Variants in KIAA0825 observed in about 807,000 individuals in gnomAD.
KIAA0825 encodes the protein uncharacterized protein KIAA0825.
Under a neutral mutation model 147.6 loss-of-function variants are expected in KIAA0825, and 119 were observed. That is an observed-to-expected ratio of 0.81 (90% CI 0.69 to 0.94). The LOEUF (loss-of-function observed/expected upper bound fraction) is 0.94, where lower values mean the gene tolerates loss of function less well. KIAA0825 is among the 40% of genes least tolerant of loss of function. KIAA0825 has a pLI of 0.00. For missense variants in KIAA0825, 1,381 were observed against 1,472.7 expected, an observed-to-expected ratio of 0.94 and a Z score of 1.02; for synonymous variants, 470 against 518.1, an observed-to-expected ratio of 0.91 and a Z score of 1.26.
chr5:94,351,058 T>G (rs1783611495), intron 20 of KIAA0825, among the ~76,000 whole-genome samples: 1 of 151,974 alleles, frequency 6.6e-6, no homozygotes, highest in Non-Finnish European at 1.5e-5. Context: ...GTACTGGAAG[T>G]CCTAGCCAGA....
At chr5:94,532,931 C>T (rs961586969) in intron 3 of KIAA0825, among the ~76,000 whole-genome samples, 2 of 149,860 alleles carry the variant, frequency 1.3e-5, no homozygotes, top group Non-Finnish European at 3.0e-5. Flanking sequence ...TTTTAAGATA[C>T]AATTATATTT....
At chr5:94,544,944 ACC>A (rs1268120267) in intron 2 of KIAA0825, among the ~76,000 whole-genome samples, 2 of 152,146 alleles carry the variant, frequency 1.3e-5, no homozygotes, top group Non-Finnish European at 2.9e-5. Flanking sequence ...TGAAAGAGAC[ACC>A]GAGAGGATAG....
chr5:94,516,757 T>C (rs990318493), intron 5 of KIAA0825, among the ~76,000 whole-genome samples: 2 of 127,058 alleles, frequency 1.6e-5, no homozygotes, highest in South Asian at 2.4e-4. Flanking sequence ...GCCACAGCAC[T>C]CCCGCCTGGG....
In KIAA0825 at chr5:94,323,767, G is replaced by T. The variant is rs1780427105; in HGVS notation, c.3710+60601C>A. 2.0e-5 allele frequency among the ~76,000 whole-genome samples: 3 copies of T among 151,936 alleles called. No individual in the cohort carries two copies. In the South Asian group the frequency reaches 6.2e-4, roughly 32 times the overall value. ...ATTTAGAAAGAAAATAAGATATTTT[G>T]TTGGAGGGAAAGATGGAGATTAGGG... is the stretch of plus-strand genomic sequence containing the variant. On this transcript the variant is annotated intron_variant, in intron 20 of 20. Coordinates refer to ENST00000682413, the MANE Select transcript of KIAA0825 (RefSeq NM_001145678.3).
rs113887677 is a variant in KIAA0825, at chr5:94,530,165, G to T, written c.132-6067C>A. 7.5e-3 allele frequency among the ~76,000 whole-genome samples: 1,129 copies of T among 150,924 alleles called. 16 individuals are homozygous for T. The highest frequency in any genetic ancestry group is 0.026 in the African/African-American group (1,055 of 41,120). On this transcript the variant is annotated intron_variant, in intron 3 of 20. Coordinates refer to ENST00000682413, the MANE Select transcript of KIAA0825 (RefSeq NM_001145678.3). ...ACATACCTGTAATCCCAGCTACTTG[G>T]GAGGCTGGGGCAGAAGAATCGCTTT...
At chr5:94,609,352 A>T (rs1788253923) in intron 1 of KIAA0825, among the ~76,000 whole-genome samples, 1 of 152,204 alleles carries the variant, frequency 6.6e-6, no homozygotes, top group Non-Finnish European at 1.5e-5. Flanking sequence ...TTTGTTTTGA[A>T]AAATATAGCT....
chr5:94,392,408 G>T (rs1750015575), intron 17 of KIAA0825, among the ~76,000 whole-genome samples: 1 of 152,140 alleles, frequency 6.6e-6, no homozygotes, highest in Non-Finnish European at 1.5e-5. Context: ...CTTTTAGAAT[G>T]ATCTATATAC....
At chr5:94,384,267 C>T in intron 20 of KIAA0825, 101 bp downstream of exon 20, 1 of 808,126 alleles carries the variant, frequency 1.2e-6, no homozygotes, top group Non-Finnish European at 1.9e-6. Context: ...TCACTTTTCC[C>T]AAAAGTATGC....
Position 94,594,456 on chromosome 5 carries a change from T to C in KIAA0825, c.-152-11873A>G, listed in dbSNP as rs190941870. 1,631 of 740,286 alleles carry C rather than the reference T, an allele frequency of 2.2e-3. 2 individuals carry two copies. Among genetic ancestry groups the C allele is most frequent in the Non-Finnish European group, 2.9e-3 (1,156 of 394,478 alleles). The allele number at this position is 740,286 out of a possible 1,614,324, so 45.9% of individuals were successfully genotyped here. On this transcript the variant is annotated intron_variant, in intron 1 of 20. Coordinates refer to ENST00000682413, the MANE Select transcript of KIAA0825 (RefSeq NM_001145678.3). Reference sequence around the variant, plus strand: ...CCATACAGTAGATTTTGAGTGTATCTTGGAAGAAAGAAAAAAATCTCTTCT... The same window carrying C: ...CCATACAGTAGATTTTGAGTGTATCCTGGAAGAAAGAAAAAAATCTCTTCT...
intron 15 of KIAA0825, among the ~76,000 whole-genome samples, chr5:94,405,720 CAGTA>C (rs1335792976): frequency 1.3e-5 from 2 of 152,092 alleles, no homozygotes; most frequent in Non-Finnish European, 2.9e-5. Flanking sequence ...ATAGAACAGA[CAGTA>C]AGTAGTACGG....
intron 20 of KIAA0825, among the ~76,000 whole-genome samples, chr5:94,276,903 C>A (rs1382020427): frequency 6.6e-6 from 1 of 152,058 alleles, no homozygotes; most frequent in East Asian, 1.9e-4. Flanking sequence ...TTTTCCTAAG[C>A]ACACTTTTGG....
chr5:94,252,422 T>G (rs538211248), intron 20 of KIAA0825, among the ~76,000 whole-genome samples: 4 of 151,958 alleles, frequency 2.6e-5, no homozygotes, highest in Admixed American at 2.6e-4. Context: ...TTCTCATAAA[T>G]ATATATACAT....
intron 8 of KIAA0825, 48 bp from the exon 9 acceptor site, chr5:94,471,779 C>G (rs1162157402): frequency 3.3e-6 from 5 of 1,529,274 alleles, no homozygotes; most frequent in Non-Finnish European, 4.4e-6. Flanking sequence ...TCTGACAGCA[C>G]CAAGTAATTT....
At chr5:94,409,380 A>T (rs1366125887) in intron 15 of KIAA0825, among the ~76,000 whole-genome samples, 8 of 152,222 alleles carry the variant, frequency 5.3e-5, no homozygotes, top group African/African-American at 1.9e-4. Flanking sequence ...AAAGAAAACA[A>T]ATTAAAGTCT....
At chr5:94,521,053 T>G (rs1290931089) in intron 4 of KIAA0825, 136 bp from the exon 5 acceptor site, 21 of 800,032 alleles carry the variant, frequency 2.6e-5, no homozygotes, top group Non-Finnish European at 3.8e-5. Context: ...TTTTTGCATT[T>G]GAAATTTAAT....
intron 20 of KIAA0825, among the ~76,000 whole-genome samples, chr5:94,264,212 C>T (rs1776634845): frequency 6.6e-6 from 1 of 152,180 alleles, no homozygotes; most frequent in Non-Finnish European, 1.5e-5. Flanking sequence ...ATTCTGATAA[C>T]ACATTAAACA....
Position 94,195,674 on chromosome 5 carries a change from T to G in KIAA0825, c.3711-41550A>C, listed in dbSNP as rs181513027. Among the ~76,000 whole-genome samples, 382 of 152,170 alleles carry G rather than the reference T, an allele frequency of 2.5e-3. 1 individual carries two copies. The highest frequency in any genetic ancestry group is 9.0e-3 in the African/African-American group (373 of 41,514). ...AGCTCTTTTTTTTTTTAAATTTAAT[T>G]TTATCCAGTTTGAAACATTTGAGAA... On this transcript the variant is annotated intron_variant, in intron 20 of 20. Transcript: ENST00000682413.
intron 20 of KIAA0825, among the ~76,000 whole-genome samples, chr5:94,316,993 G>A (rs2150228480): frequency 6.6e-6 from 1 of 151,838 alleles, no homozygotes; most frequent in East Asian, 1.9e-4. Context: ...CAAGTGATAT[G>A]AGAAAGAGGG....
chr5:94,308,843 C>T (rs757117733), intron 20 of KIAA0825, among the ~76,000 whole-genome samples: 8 of 146,214 alleles, frequency 5.5e-5, no homozygotes, highest in Non-Finnish European at 1.1e-4. Context: ...CGTTTTCCTC[C>T]TTCCAGAGGG....
Sources: allele counts gnomAD v4.1 joint callset (sites outside exome capture counted in the v4.1 genomes callset), GRCh38; gene constraint gnomAD v4.1.1; transcripts MANE v1.5; gene names NCBI Gene and HGNC (gene_info 2026-07-23, HGNC 2026-07-21).